The following RBM15 variants were observed in gnomAD, a reference collection of about 807,000 sequenced individuals.
The protein encoded by RBM15 is RNA-binding protein 15.
In RBM15, 8 loss-of-function variants were observed where a neutral mutation model predicts 62.6. The observed-to-expected ratio is 0.13, with a 90% confidence interval of 0.07 to 0.23. RBM15 has a LOEUF of 0.23. RBM15 is among the 10% of genes least tolerant of loss of function. RBM15 has a pLI of 1.00. For synonymous variants in RBM15, 606 were observed against 505.7 expected, an observed-to-expected ratio of 1.20 and a Z score of -2.66; for missense variants, 1,144 against 1,286.5, an observed-to-expected ratio of 0.89 and a Z score of 1.69.
chr1:110,342,048 C>T lies in RBM15; in HGVS notation c.2643C>T (p.Ala881=), dbSNP rs1660810489. 6.2e-7 allele frequency: 1 copy of T among 1,614,258 alleles called. No individual in the cohort carries two copies. Among genetic ancestry groups the T allele is most frequent in the Admixed American group, 1.7e-5 (1 of 60,036 alleles). The change falls in exon 1 of 3, where the codon GCC becomes GCT. Residue 881 remains alanine (A), a synonymous_variant. Transcript: ENST00000369784. ...CTTCCTCAGCTGCATCAGACACTGC[C>T]ACTTCTACTCAGAGGCCACTTAGGA... is the stretch of plus-strand genomic sequence containing the variant. The part of the protein sequence containing the change: ...SSSSSAASDT[A]TSTQRPLRNL...
At position 110,346,368 on chromosome 1, in the gene RBM15, A is replaced by G; in HGVS notation, c.*101A>G. 2 of 1,597,188 alleles carry G rather than the reference A, an allele frequency of 1.3e-6. No individual in the cohort carries two copies. The highest frequency in any genetic ancestry group is 1.7e-6 in the Non-Finnish European group (2 of 1,178,724). On this transcript the variant is annotated 3_prime_UTR_variant, in exon 3 of 3. Coordinates refer to ENST00000369784, the MANE Select transcript of RBM15 (RefSeq NM_022768.5). ...TCAAAGCTCTAATGGACCTTTTTGAAGAGAAGTTGTGGCTTATGTGGAGTT... is the reference window on the plus strand; with the variant it reads ...TCAAAGCTCTAATGGACCTTTTTGAGGAGAAGTTGTGGCTTATGTGGAGTT...
In RBM15 at chr1:110,339,784, A is replaced by T; in HGVS notation, c.379A>T (p.Ser127Cys). The T allele has an allele frequency of 1.2e-6, 2 of 1,604,990 alleles. No individual in the cohort carries two copies. The highest frequency in any genetic ancestry group is 2.2e-5 in the South Asian group (2 of 90,858). ...GSSSSRLHSY[S>C]SPSTKNSSGG... ...CTCCAGTAGCCGCTTGCATAGTTAT[A>T]GCTCCCCGAGCACCAAAAATTCTTC... The change falls in exon 1 of 3, where the codon AGC becomes TGC. Residue 127 changes from serine to cysteine, a missense_variant. This residue lies in a region of RBM15 where 298 missense variants were observed against 250.0 expected (regional missense o/e 1.19). Coordinates refer to ENST00000369784, the MANE Select transcript of RBM15 (RefSeq NM_022768.5).
At position 110,342,137 on chromosome 1, in the gene RBM15, A is replaced by G; in HGVS notation, c.2732A>G (p.Asn911Ser). The G allele has an allele frequency of 1.2e-6, 2 of 1,614,154 alleles. No homozygotes were observed. Among genetic ancestry groups the G allele is most frequent in the Non-Finnish European group, 1.7e-6 (2 of 1,179,988 alleles). ...AGVISLPVGG[N>S]KDKENTGVLH... is the part of the protein sequence containing the mutation. ...GTGATCAGCCTCCCTGTGGGGGGCA[A>G]CAAAGACAAGGAAAACACCGGGGTC... Residue 911 changes from asparagine (N) to serine (S), a missense_variant, in exon 1 of 3, where the codon AAC (asparagine) becomes AGC (serine). By Grantham distance (46) the Asn-to-Ser change is conservative (BLOSUM62 1). This residue lies in a region of RBM15 where 144 missense variants were observed against 223.3 expected (regional missense o/e 0.64). Transcript: ENST00000369784.
Position 110,339,860 on chromosome 1 carries a change from G to T in RBM15, c.455G>T (p.Arg152Leu). ...TCCCGGGGTGGAGGCGGGGAGTCAC[G>T]TTCCTCTGGGGCCGCCTCCTCAGCT... is the stretch of plus-strand genomic sequence containing the variant. Reference protein sequence around the residue: ...SSSRGGGGESRSSGAASSAPG... With the variant: ...SSSRGGGGESLSSGAASSAPG... The change falls in exon 1 of 3, where the codon CGT becomes CTT. Residue 152 changes from arginine to leucine, a missense_variant. Arg to Leu is a moderately radical substitution (Grantham distance 102, BLOSUM62 -2). Coordinates refer to ENST00000369784, the MANE Select transcript of RBM15 (RefSeq NM_022768.5). 6.2e-7 allele frequency: 1 copy of T among 1,600,772 alleles called. No individual in the cohort carries two copies. The highest frequency in any genetic ancestry group is 8.5e-7 in the Non-Finnish European group (1 of 1,170,248).
At chr1:110,343,672 T>G (rs569812335) in intron 1 of RBM15, among the ~76,000 whole-genome samples, 1 of 152,252 alleles carries the variant, frequency 6.6e-6, no homozygotes. Flanking sequence ...CTCCCTTGAT[T>G]TAAGTGCTGA....
chr1:110,345,552 G>A lies in RBM15; in HGVS notation c.2877G>A (p.Gln959=). Reference sequence around the variant, plus strand: ...TCTCTCTCACAGGGTTTGGTTTTCAGATAGGAGTTAGGTATGAGAACAAGA... The same window carrying A: ...TCTCTCTCACAGGGTTTGGTTTTCAAATAGGAGTTAGGTATGAGAACAAGA... ...VMIIVRGFGF[Q]IGVRYENKKR... is the part of the protein sequence containing the mutation. Residue 959 remains glutamine, a synonymous_variant, in exon 2 of 3, where the codon CAG becomes CAA. Transcript: ENST00000369784. The A allele has an allele frequency of 6.2e-7, 1 of 1,610,096 alleles. No individual in the cohort carries two copies. The highest frequency in any genetic ancestry group is 1.1e-5 in the South Asian group (1 of 90,394).
rs747991338 is a variant in RBM15 at position 110,340,468 on chromosome 1, G to A, written c.1063G>A (p.Ala355Thr). The change falls in exon 1 of 3, where the codon GCT becomes ACT. Residue 355 changes from alanine to threonine, a missense_variant. Transcript: ENST00000369784. The surrounding 1 kb of genome is among the most constrained non-coding windows in gnomAD (Gnocchi z 5.8). ...GCCAAGGGTGGGAGCTGGAGCAGGT[G>A]CTGCTCCTTTCAGAGAAGTGGATGA... ...LEPRVGAGAG[A>T]APFREVDEIS... 2.5e-6 allele frequency: 4 copies of A among 1,614,052 alleles called. No homozygotes were observed. In the Admixed American group the frequency reaches 6.7e-5, roughly 27 times the overall value.
rs779388839 is a variant in RBM15 at position 110,340,106 on chromosome 1, C to G, written c.701C>G (p.Ala234Gly). 1.2e-6 allele frequency: 2 copies of G among 1,613,810 alleles called. No individual in the cohort carries two copies. The highest frequency in any genetic ancestry group is 1.3e-5 in the African/African-American group (1 of 75,046). The change falls in exon 1 of 3, where the codon GCC becomes GGC. Residue 234 changes from alanine (A) to glycine (G), a missense_variant. This residue lies in a region of RBM15 where 188 missense variants were observed against 185.6 expected (regional missense o/e 1.01). Transcript: ENST00000369784. The surrounding 1 kb of genome is among the most constrained non-coding windows in gnomAD (Gnocchi z 5.8). ...RPEDARAAKH[A>G]RGRLVLYDRP... Reference sequence around the variant, plus strand: ...GAGGACGCGCGGGCGGCCAAGCATGCCAGAGGCCGCCTGGTGCTCTATGAC... The same window carrying G: ...GAGGACGCGCGGGCGGCCAAGCATGGCAGAGGCCGCCTGGTGCTCTATGAC...
chr1:110,342,395 T>G, intron 1 of RBM15, 127 bp downstream of exon 1: 2 of 651,822 alleles, frequency 3.1e-6, no homozygotes, highest in South Asian at 3.3e-5. Flanking sequence ...CATTTTCTTT[T>G]TTATATTTTT....
chr1:110,342,378 G>C, intron 1 of RBM15, 110 bp downstream of exon 1: 2 of 772,162 alleles, frequency 2.6e-6, no homozygotes, highest in Non-Finnish European at 3.9e-6. Flanking sequence ...TTAGTTGTTA[G>C]TTGTAGCATT....
At chr1:110,342,915 T>A (rs1660831762) in intron 1 of RBM15, among the ~76,000 whole-genome samples, 1 of 152,266 alleles carries the variant, frequency 6.6e-6, no homozygotes, top group Admixed American at 6.5e-5. Flanking sequence ...TATGCACTTT[T>A]GGTTTGTAGC....
Position 110,341,090 on chromosome 1 carries a change from G to A in RBM15, c.1685G>A (p.Arg562Lys), listed in dbSNP as rs1319923343. The part of the protein sequence containing the change: ...AFGHRAPDPL[R>K]GARDRTPPLL... The stretch of plus-strand genomic sequence containing the variant: ...GGACATCGGGCACCAGACCCTTTGA[G>A]GGGTGCTCGGGATAGGACACCACCC... The change falls in exon 1 of 3, where the codon AGG becomes AAG. Residue 562 changes from arginine (R) to lysine (K), a missense_variant. Around this residue, in one of 8 missense-constraint regions of RBM15, gnomAD observed 360 missense variants for 342.9 expected, o/e 1.05. Transcript: ENST00000369784. This position sits in a 1 kb window ranked among gnomAD's most constrained non-coding sequence, Gnocchi z 4.5. 2 of 1,614,182 alleles carry A rather than the reference G, an allele frequency of 1.2e-6. No homozygotes were observed. Among genetic ancestry groups the A allele is most frequent in the Non-Finnish European group, 8.5e-7 (1 of 1,180,036 alleles).
rs1421387746 is a variant in RBM15 at position 110,340,029 on chromosome 1, G to T, written c.624G>T (p.Ser208=). 1 of 1,613,952 alleles carries T rather than the reference G, an allele frequency of 6.2e-7. No homozygotes were observed. The highest frequency in any genetic ancestry group is 8.5e-7 in the Non-Finnish European group (1 of 1,180,014). The change falls in exon 1 of 3, where the codon TCG becomes TCT. Residue 208 remains serine, a synonymous_variant. Transcript: ENST00000369784. This position sits in a 1 kb window ranked among gnomAD's most constrained non-coding sequence, Gnocchi z 5.8. ...TAAGTGTGAAAATCAGTCATCTGTCGGGTTCTGGCAGCGGGGATGAGCGGG... is the reference window on the plus strand; with the variant it reads ...TAAGTGTGAAAATCAGTCATCTGTCTGGTTCTGGCAGCGGGGATGAGCGGG... ...GDVSVKISHL[S]GSGSGDERVA...
In RBM15 at chr1:110,340,878, T is replaced by C; in HGVS notation, c.1473T>C (p.Ser491=). ...CCATAGACTACCGAAAAGGTGATAG[T>C]TGGGCATATATCCAGTATGAAAGCC... ...IRTIDYRKGD[S]WAYIQYESLD... Residue 491 remains serine (S), a synonymous_variant, in exon 1 of 3, where the codon AGT becomes AGC. Coordinates refer to ENST00000369784, the MANE Select transcript of RBM15 (RefSeq NM_022768.5). This position sits in a 1 kb window ranked among gnomAD's most constrained non-coding sequence, Gnocchi z 5.8. 1 of 1,614,218 alleles carries C rather than the reference T, an allele frequency of 6.2e-7. No homozygotes were observed. The highest frequency in any genetic ancestry group is 8.5e-7 in the Non-Finnish European group (1 of 1,180,038).
chr1:110,339,761 C>T lies in RBM15; in HGVS notation c.356C>T (p.Ser119Phe). The T allele has an allele frequency of 6.2e-7, 1 of 1,610,572 alleles. No individual in the cohort carries two copies. The highest frequency in any genetic ancestry group is 8.5e-7 in the Non-Finnish European group (1 of 1,178,106). Residue 119 changes from serine (S) to phenylalanine (F), a missense_variant, in exon 1 of 3, where the codon TCC becomes TTC. Physicochemically the swap from Ser to Phe is radical, Grantham distance 155. This residue lies in a region of RBM15 where 298 missense variants were observed against 250.0 expected (regional missense o/e 1.19). Coordinates refer to ENST00000369784, the MANE Select transcript of RBM15 (RefSeq NM_022768.5). ...GAGTATGATACCGGTGGGGGCAGCT[C>T]CAGTAGCCGCTTGCATAGTTATAGC... ...SREYDTGGGS[S>F]SSRLHSYSSP...
At chr1:110,345,514 AT>A (rs769741287) in intron 1 of RBM15, 24 bp from the exon 2 acceptor site, 83 of 1,492,378 alleles carry the variant, frequency 5.6e-5, no homozygotes, top group Admixed American at 1.4e-4. Flanking sequence ...ATTTCTGGAC[AT>A]TTTTTTTTCT....
In RBM15 at chr1:110,341,079, A is replaced by G; in HGVS notation, c.1674A>G (p.Pro558=). ...CAGATGCTTTTGGACATCGGGCACCAGACCCTTTGAGGGGTGCTCGGGATA... is the reference window on the plus strand; with the variant it reads ...CAGATGCTTTTGGACATCGGGCACCGGACCCTTTGAGGGGTGCTCGGGATA... The part of the protein sequence containing the change: ...LVTDAFGHRA[P]DPLRGARDRT... Residue 558 remains proline (P), a synonymous_variant, in exon 1 of 3, where the codon CCA becomes CCG. Transcript: ENST00000369784. This position sits in a 1 kb window ranked among gnomAD's most constrained non-coding sequence, Gnocchi z 4.5. The G allele has an allele frequency of 2.5e-6, 4 of 1,614,208 alleles. No homozygotes were observed. Among genetic ancestry groups the G allele is most frequent in the Non-Finnish European group, 3.4e-6 (4 of 1,180,038 alleles).
rs1026702939 is a variant in RBM15, at chr1:110,340,165, C to T, written c.760C>T (p.Arg254Trp). ...GAAGATAGAAGCTGTGTATGTGAGC[C>T]GGCGCCGCAGCCGCTCCCCTTTAGA... ...PLKIEAVYVSRRRSRSPLDKD... is the reference protein window; with the variant it reads ...PLKIEAVYVSWRRSRSPLDKD... Residue 254 changes from arginine to tryptophan, a missense_variant, in exon 1 of 3, where the codon CGG (arginine) becomes TGG (tryptophan). Transcript: ENST00000369784. The surrounding 1 kb of genome is among the most constrained non-coding windows in gnomAD (Gnocchi z 5.8). 5.6e-6 allele frequency: 9 copies of T among 1,613,870 alleles called. No individual in the cohort carries two copies. Among genetic ancestry groups the T allele is most frequent in the African/African-American group, 1.3e-5 (1 of 75,012 alleles).
chr1:110,341,472 T>C lies in RBM15; in HGVS notation c.2067T>C (p.Asp689=). The C allele has an allele frequency of 6.2e-7, 1 of 1,613,992 alleles. No individual in the cohort carries two copies. Among genetic ancestry groups the C allele is most frequent in the South Asian group, 1.1e-5 (1 of 91,072 alleles). ...GGGATCGTTACAACAGCGACAATGA[T>C]CGATCTTCCCGTCTTCTCTTGGAAA... ...SSRDRYNSDN[D]RSSRLLLERP... Residue 689 remains aspartate, a synonymous_variant, in exon 1 of 3, where the codon GAT becomes GAC. Coordinates refer to ENST00000369784, the MANE Select transcript of RBM15 (RefSeq NM_022768.5). This position sits in a 1 kb window ranked among gnomAD's most constrained non-coding sequence, Gnocchi z 4.5.
Sources: allele counts gnomAD v4.1 joint callset (sites outside exome capture counted in the v4.1 genomes callset), GRCh38; gene constraint gnomAD v4.1.1; regional missense constraint gnomAD v4.1.1; non-coding constraint Gnocchi (gnomAD v3.1); transcripts MANE v1.5; gene names NCBI Gene and HGNC (gene_info 2026-07-23, HGNC 2026-07-21).